Variants in KIAA1549 observed in about 807,000 individuals in gnomAD.
KIAA1549 encodes UPF0606 protein KIAA1549.
A neutral mutation model predicts 156.4 loss-of-function variants in KIAA1549; 70 were observed. The ratio of observed to expected loss-of-function variants is 0.45; its 90% CI spans 0.37 to 0.55. The LOEUF is 0.55. Ranked by LOEUF, KIAA1549 falls within the 20% of genes least tolerant of loss-of-function variation. The probability of loss-of-function intolerance (pLI) is 0.00; values close to 1 mark genes in which losing one functional copy is unlikely to be tolerated. For missense variants in KIAA1549, 2,428 were observed against 2,540.9 expected (o/e 0.96, Z 0.96); for synonymous variants, 1,103 against 1,066.4 (o/e 1.03, Z -0.67).
chr7:138,920,936 A>C (rs1194305437), intron 1 of KIAA1549, among the ~76,000 whole-genome samples: 1 of 152,180 alleles, frequency 6.6e-6, no homozygotes, highest in East Asian at 1.9e-4. Context: ...ATGTTTAAAA[A>C]CCATCTTCTA....
In KIAA1549 at chr7:138,845,756, A is replaced by G. The variant is rs192238251; in HGVS notation, c.5295-1282T>C. Among the ~76,000 whole-genome samples, 5 of 152,360 alleles carry G rather than the reference A, an allele frequency of 3.3e-5. No individual in the cohort carries two copies. The East Asian group carries it at 9.6e-4, about 29-fold the overall frequency. Reference sequence around the variant, plus strand: ...TCGGTGCTAGGAAGTTGTCAAGTTCACAGTGGCAGGCAGACAAGTTCCCAA... The same window carrying G: ...TCGGTGCTAGGAAGTTGTCAAGTTCGCAGTGGCAGGCAGACAAGTTCCCAA... On this transcript the variant is annotated intron_variant, in intron 17 of 19. Transcript: ENST00000422774.
At chr7:138,912,518 A>G in intron 2 of KIAA1549, 58 bp from the exon 3 acceptor site, 1 of 1,408,480 alleles carries the variant, frequency 7.1e-7, no homozygotes, top group Non-Finnish European at 1.0e-6. Flanking sequence ...TAACAAACAC[A>G]CCAGACTTCT....
At chr7:138,872,089 T>C (rs1810953069) in intron 12 of KIAA1549, among the ~76,000 whole-genome samples, 1 of 152,152 alleles carries the variant, frequency 6.6e-6, no homozygotes, top group South Asian at 2.1e-4. Flanking sequence ...TACAGGAGCA[T>C]GCCACCATGC....
At chr7:138,958,882 GTTTT>G (rs149890898) in intron 1 of KIAA1549, among the ~76,000 whole-genome samples, 1 of 150,172 alleles carries the variant, frequency 6.7e-6, no homozygotes, top group Non-Finnish European at 1.5e-5. Context: ...TAGCCCAAAG[GTTTT>G]TTTTTTGTTT....
chr7:138,870,289 C>T (rs944047373), intron 13 of KIAA1549, among the ~76,000 whole-genome samples: 1 of 151,862 alleles, frequency 6.6e-6, no homozygotes, highest in Admixed American at 6.6e-5. Context: ...TGCCATCCCA[C>T]GAGCTTTACC....
intron 1 of KIAA1549, among the ~76,000 whole-genome samples, chr7:138,944,681 T>G (rs1276991021): frequency 6.6e-6 from 1 of 151,404 alleles, no homozygotes; most frequent in East Asian, 1.9e-4. Context: ...AAAAAGGTGA[T>G]ATATCCATAA....
intron 13 of KIAA1549, among the ~76,000 whole-genome samples, chr7:138,870,757 G>A (rs1189484908): frequency 6.6e-6 from 1 of 152,222 alleles, no homozygotes; most frequent in Admixed American, 6.5e-5. Context: ...TCAGTAACTA[G>A]TTGACACTGT....
At chr7:138,849,031 C>T (rs1810162166) in intron 17 of KIAA1549, among the ~76,000 whole-genome samples, 1 of 152,132 alleles carries the variant, frequency 6.6e-6, no homozygotes, top group Non-Finnish European at 1.5e-5. Context: ...CTGCATCCAG[C>T]CCCAAATTTA....
chr7:138,891,165 G>A (rs1216246935), intron 10 of KIAA1549, among the ~76,000 whole-genome samples: 5 of 152,216 alleles, frequency 3.3e-5, no homozygotes, highest in Non-Finnish European at 4.4e-5. Context: ...TGCAGAGATC[G>A]CGTGCTATTT....
At chr7:138,950,930 A>G (rs755791610) in intron 1 of KIAA1549, among the ~76,000 whole-genome samples, 1 of 151,658 alleles carries the variant, frequency 6.6e-6, no homozygotes, top group Non-Finnish European at 1.5e-5. Context: ...ATCATGTCAC[A>G]TGAGGTCCCC....
intron 16 of KIAA1549, among the ~76,000 whole-genome samples, chr7:138,857,689 G>A (rs1171860716): frequency 6.6e-6 from 1 of 152,176 alleles, no homozygotes; most frequent in Non-Finnish European, 1.5e-5. Flanking sequence ...AAACACGTAA[G>A]ACTTTATGTC....
intron 1 of KIAA1549, among the ~76,000 whole-genome samples, chr7:138,936,956 T>C (rs1377494433): frequency 6.6e-6 from 1 of 152,098 alleles, no homozygotes; most frequent in African/African-American, 2.4e-5. Flanking sequence ...GCAGAGCTGA[T>C]CAATCAATTC....
At chr7:138,881,096 T>G (rs528542785) in intron 11 of KIAA1549, among the ~76,000 whole-genome samples, 1 of 152,370 alleles carries the variant, frequency 6.6e-6, no homozygotes, top group African/African-American at 2.4e-5. Flanking sequence ...TATATACACA[T>G]GAGCTGGTCA....
At position 138,868,115 on chromosome 7, in the gene KIAA1549, G is replaced by T. The variant is rs764261154; in HGVS notation, c.4789C>A (p.Arg1597Ser). Residue 1597 changes from arginine to serine, a missense_variant, in exon 15 of 20, where the codon CGT (arginine) becomes AGT (serine). By Grantham distance (110) the Arg-to-Ser change is moderately radical (BLOSUM62 -1). This residue lies in a region of KIAA1549 where 404 missense variants were observed against 417.0 expected (regional missense o/e 0.97). Transcript: ENST00000422774. ...IEPRKSSRIK[R>S]SPKPRRKHQV... ...TGTTTCCGGCGAGGCTTGGGAGAAC[G>T]TTTTATCCGTGAGCTGCCAGGAAAA... 6.2e-7 allele frequency: 1 copy of T among 1,613,244 alleles called. No homozygotes were observed. The highest frequency in any genetic ancestry group is 2.2e-5 in the East Asian group (1 of 44,868).
At position 138,958,033 on chromosome 7, in the gene KIAA1549, G is replaced by A. The variant is rs79940173; in HGVS notation, c.187+23050C>T. Among the ~76,000 whole-genome samples, 1,021 of 152,286 alleles carry A rather than the reference G, an allele frequency of 6.7e-3. 10 individuals carry two copies. Among genetic ancestry groups the A allele is most frequent in the African/African-American group, 0.024 (979 of 41,538 alleles). On this transcript the variant is annotated intron_variant, in intron 1 of 19. Transcript: ENST00000422774. The stretch of plus-strand genomic sequence containing the variant: ...TATATGCTTGTACTCATGCATCTAC[G>A]TTTTGAATTTTCCTTTGACAACGTC...
At chr7:138,973,510 C>T (rs1162946582) in intron 1 of KIAA1549, among the ~76,000 whole-genome samples, 1 of 152,172 alleles carries the variant, frequency 6.6e-6, no homozygotes, top group Non-Finnish European at 1.5e-5. Flanking sequence ...TCTGTATGCT[C>T]CTCTTTGTCT....
intron 1 of KIAA1549, among the ~76,000 whole-genome samples, chr7:138,942,400 A>G (rs545843337): frequency 1.3e-5 from 2 of 151,590 alleles, no homozygotes; most frequent in South Asian, 2.1e-4. Flanking sequence ...GGTGAAAATA[A>G]TATCTCGGAT....
At chr7:138,937,313 C>T (rs1369779583) in intron 1 of KIAA1549, among the ~76,000 whole-genome samples, 3 of 152,202 alleles carry the variant, frequency 2.0e-5, no homozygotes, top group Non-Finnish European at 4.4e-5. Flanking sequence ...TGCCCCACCA[C>T]CCTACCCCAG....
chr7:138,904,976 C>T (rs1811965768), intron 7 of KIAA1549, 46 bp downstream of exon 7: 1 of 1,229,392 alleles, frequency 8.1e-7, no homozygotes, highest in Admixed American at 2.0e-5. Flanking sequence ...CCTGCATAGA[C>T]TTCTTCTCCT....
Sources: allele counts gnomAD v4.1 joint callset (sites outside exome capture counted in the v4.1 genomes callset), GRCh38; gene constraint gnomAD v4.1.1; regional missense constraint gnomAD v4.1.1; transcripts MANE v1.5; gene names NCBI Gene and HGNC (gene_info 2026-07-23, HGNC 2026-07-21).